The following XKR6 variants were observed in gnomAD, a reference collection of about 807,000 sequenced individuals.
XKR6 encodes the protein XK-related protein 6.
In XKR6, 22 loss-of-function variants were observed where a neutral mutation model predicts 56.7. That is an observed-to-expected ratio of 0.39 (90% CI 0.28 to 0.55). The LOEUF is 0.55. Ranked by LOEUF, XKR6 falls within the 20% of genes least tolerant of loss-of-function variation. XKR6 has a pLI of 0.66. For missense variants in XKR6, 852 were observed against 889.0 expected, an observed-to-expected ratio of 0.96 and a Z score of 0.53; for synonymous variants, 524 against 387.8, an observed-to-expected ratio of 1.35 and a Z score of -4.13.
chr8:11,085,157 C>T (rs1253056518), intron 1 of XKR6, among the ~76,000 whole-genome samples: 1 of 152,150 alleles, frequency 6.6e-6, no homozygotes, highest in East Asian at 1.9e-4. Context: ...CTTCTTGTCA[C>T]CCAAGAGCAG....
intron 1 of XKR6, among the ~76,000 whole-genome samples, chr8:11,025,983 C>T (rs1485138219): frequency 6.6e-6 from 1 of 152,152 alleles, no homozygotes; most frequent in Non-Finnish European, 1.5e-5. Context: ...TAAAACAGCT[C>T]ATGAATACAT....
At chr8:11,178,548 A>ATATATG (rs1802780722) in intron 1 of XKR6, among the ~76,000 whole-genome samples, 1 of 78,038 alleles carries the variant, frequency 1.3e-5, no homozygotes, top group African/African-American at 1.2e-4. Context: ...AGAGGTAAAA[A>ATATATG]TATATATATA....
rs191904951 is a variant in XKR6 at position 11,156,832 on chromosome 8, T to A, written c.764+43744A>T. ...ACACCCCACCCACCACAGACACAGA[T>A]GCACACACACACACATACACACACA... is the stretch of plus-strand genomic sequence containing the variant. On this transcript the variant is annotated intron_variant, in intron 1 of 2. Coordinates refer to ENST00000416569, the MANE Select transcript of XKR6 (RefSeq NM_173683.4). Among the ~76,000 whole-genome samples, 35 of 151,962 alleles carry A rather than the reference T, an allele frequency of 2.3e-4. No individual in the cohort carries two copies. In the East Asian group the frequency reaches 6.0e-3, roughly 26 times the overall value.
chr8:10,930,409 A>T (rs1016414286), intron 1 of XKR6, among the ~76,000 whole-genome samples: 5 of 152,244 alleles, frequency 3.3e-5, no homozygotes, highest in Non-Finnish European at 7.3e-5. Flanking sequence ...AATCTTTTCC[A>T]GAAAATAAAA....
intron 1 of XKR6, among the ~76,000 whole-genome samples, chr8:11,091,242 C>A (rs1322920395): frequency 1.3e-5 from 2 of 152,014 alleles, no homozygotes; most frequent in African/African-American, 4.8e-5. Context: ...ACAAGCCTGG[C>A]TAACACAGTG....
At chr8:11,097,861 G>A (rs377302063) in intron 1 of XKR6, among the ~76,000 whole-genome samples, 3 of 120,230 alleles carry the variant, frequency 2.5e-5, no homozygotes, top group African/African-American at 8.1e-5. Flanking sequence ...TAAATACATC[G>A]TAAATTCTAC....
chr8:11,200,656 C>A lies in XKR6; in HGVS notation c.684G>T (p.Pro228=), dbSNP rs1467199956. 1.9e-5 allele frequency: 30 copies of A among 1,553,012 alleles called. No homozygotes were observed. Among genetic ancestry groups the A allele is most frequent in the Non-Finnish European group, 2.6e-5 (30 of 1,160,914 alleles). The change falls in exon 1 of 3, where the codon CCG becomes CCT. Residue 228 remains proline (P), a synonymous_variant. Transcript: ENST00000416569. The surrounding 1 kb of genome is among the most constrained non-coding windows in gnomAD (Gnocchi z 6.4). ...GGPGVRVSPT[P]GAQRLCRLSV... The stretch of plus-strand genomic sequence containing the variant: ...AGAGGCGACACAGGCGCTGCGCCCC[C>A]GGCGTGGGGGAGACCCTCACGCCTG...
intron 1 of XKR6, chr8:11,062,898 A>C (rs185512646): frequency 8.8e-6 from 4 of 455,072 alleles, no homozygotes; most frequent in East Asian, 1.4e-4. Flanking sequence ...CGTCGTACTG[A>C]AATTCCCCCA....
At chr8:11,114,072 C>T (rs1157157728) in intron 1 of XKR6, 2 of 443,922 alleles carry the variant, frequency 4.5e-6, no homozygotes, top group Admixed American at 5.2e-5. Context: ...CAGGCTGAGG[C>T]CTCATGTCTT....
chr8:11,164,076 G>C (rs914668123), intron 1 of XKR6, among the ~76,000 whole-genome samples: 21 of 152,156 alleles, frequency 1.4e-4, no homozygotes, highest in Non-Finnish European at 2.4e-4. Flanking sequence ...CCTACAGTGG[G>C]GAAGATAAAC....
chr8:11,101,257 G>T (rs568477764), intron 1 of XKR6, among the ~76,000 whole-genome samples: 1 of 152,182 alleles, frequency 6.6e-6, no homozygotes, highest in Non-Finnish European at 1.5e-5. Context: ...AAATTGGAAA[G>T]AACCTGAATA....
intron 2 of XKR6, among the ~76,000 whole-genome samples, chr8:10,917,645 G>T (rs1586303503): frequency 1.3e-5 from 2 of 152,110 alleles, no homozygotes; most frequent in African/African-American, 2.4e-5. Context: ...GCACACAATG[G>T]CTCAGAGGAT....
At chr8:10,950,425 A>T (rs1801683799) in intron 1 of XKR6, among the ~76,000 whole-genome samples, 1 of 152,186 alleles carries the variant, frequency 6.6e-6, no homozygotes. Context: ...TGTGGCAGAG[A>T]TCACGGGTCC....
At chr8:10,930,661 T>C (rs995950169) in intron 1 of XKR6, among the ~76,000 whole-genome samples, 4 of 152,216 alleles carry the variant, frequency 2.6e-5, no homozygotes, top group Admixed American at 2.6e-4. Flanking sequence ...AATCAATCAA[T>C]GTAATCTATG....
rs549348928 is a variant in XKR6, at chr8:11,146,193, A to C, written c.764+54383T>G. Among the ~76,000 whole-genome samples, 1,042 of 152,382 alleles carry C rather than the reference A, an allele frequency of 6.8e-3. 13 individuals carry two copies. The highest frequency in any genetic ancestry group is 0.023 in the African/African-American group (971 of 41,598). On this transcript the variant is annotated intron_variant, in intron 1 of 2. Transcript: ENST00000416569. The stretch of plus-strand genomic sequence containing the variant: ...CTGATCCACACTTCATACCATATAC[A>C]AAAAGTAATGTAAAATGGATCACAG...
intron 1 of XKR6, among the ~76,000 whole-genome samples, chr8:10,983,265 A>T (rs1031088005): frequency 5.3e-5 from 8 of 152,168 alleles, no homozygotes; most frequent in Non-Finnish European, 7.3e-5. Context: ...AATAAAATAA[A>T]TCATTAGTTA....
At chr8:11,167,338 T>C (rs932678691) in intron 1 of XKR6, among the ~76,000 whole-genome samples, 7 of 152,222 alleles carry the variant, frequency 4.6e-5, no homozygotes, top group Non-Finnish European at 1.0e-4. Flanking sequence ...ATTCCAAGAA[T>C]GGGACCCTGG....
chr8:11,046,505 T>A (rs1459635498), intron 1 of XKR6, among the ~76,000 whole-genome samples: 7 of 152,156 alleles, frequency 4.6e-5, no homozygotes, highest in Admixed American at 4.6e-4. Flanking sequence ...CCTAGCAACA[T>A]TATTCACAGT....
chr8:10,915,086 C>T (rs952842508), intron 2 of XKR6, among the ~76,000 whole-genome samples: 2 of 152,202 alleles, frequency 1.3e-5, no homozygotes, highest in Non-Finnish European at 2.9e-5. Context: ...GCCTCCCTTC[C>T]CTTCTCTCTT....
Sources: gnomAD v4.1 joint callset for allele counts (sites outside exome capture counted in the v4.1 genomes callset) on GRCh38, gnomAD v4.1.1 for gene constraint, Gnocchi (gnomAD v3.1) non-coding constraint, MANE v1.5 for transcripts, NCBI Gene and HGNC (gene_info 2026-07-23, HGNC 2026-07-21) for gene names.